The following FHIT variants were observed in gnomAD, a reference collection of about 807,000 sequenced individuals.
The protein encoded by FHIT is fragile histidine triad diadenosine triphosphatase, also known as bis(5'-adenosyl)-triphosphatase.
A neutral mutation model predicts 17.9 loss-of-function variants in FHIT; 19 were observed. The ratio of observed to expected loss-of-function variants is 1.06; its 90% CI spans 0.74 to 1.56. FHIT has a LOEUF of 1.56. Among genes scored for constraint, FHIT ranks in the 40% most tolerant of loss-of-function variants. The probability of loss-of-function intolerance (pLI) is 0.00; values close to 1 mark genes in which losing one functional copy is unlikely to be tolerated. For synonymous variants in FHIT, 81 were observed against 69.7 expected, an observed-to-expected ratio of 1.16 and a Z score of -0.81; for missense variants, 248 against 189.2, an observed-to-expected ratio of 1.31 and a Z score of -1.82.
intron 7 of FHIT, among the ~76,000 whole-genome samples, chr3:60,001,801 TC>T (rs1467763039): frequency 6.6e-6 from 1 of 152,124 alleles, no homozygotes; most frequent in Non-Finnish European, 1.5e-5. Flanking sequence ...ATTTATTCCT[TC>T]CTTGGCCAAA....
At chr3:60,684,429 A>C (rs1163783149) in intron 4 of FHIT, among the ~76,000 whole-genome samples, 1 of 152,156 alleles carries the variant, frequency 6.6e-6, no homozygotes, top group Non-Finnish European at 1.5e-5. Flanking sequence ...AAGGCCACAT[A>C]GCAGAATACG....
intron 4 of FHIT, among the ~76,000 whole-genome samples, chr3:60,760,392 A>G (rs1699605750): frequency 1.3e-5 from 2 of 152,340 alleles, no homozygotes. Context: ...GGGCATACAC[A>G]TAGCAGGACC....
At chr3:60,732,684 C>CTTTTTTTTTTTT (rs3038041) in intron 4 of FHIT, 10 of 178,548 alleles carry the variant, frequency 5.6e-5, no homozygotes, top group African/African-American at 2.5e-4. Flanking sequence ...GCAAAGACTG[C>CTTTTTTTTTTTT]TTTTTTTTTT....
In FHIT at chr3:60,850,026, C is replaced by T. The variant is rs541175096; in HGVS notation, c.-110-28015G>A. ...AGGCAATAGCATCCATGAGCCCAGGCGATGTCAGGGATTCTTGTTTTTATC... is the reference window on the plus strand; with the variant it reads ...AGGCAATAGCATCCATGAGCCCAGGTGATGTCAGGGATTCTTGTTTTTATC... On this transcript the variant is annotated intron_variant, in intron 3 of 9. Coordinates refer to ENST00000492590, the MANE Select transcript of FHIT (RefSeq NM_002012.4). 5.3e-5 allele frequency among the ~76,000 whole-genome samples: 8 copies of T among 152,164 alleles called. No homozygotes were observed. The East Asian group carries it at 7.8e-4, about 15-fold the overall frequency.
At chr3:60,347,843 C>A (rs977748069) in intron 5 of FHIT, among the ~76,000 whole-genome samples, 9 of 152,144 alleles carry the variant, frequency 5.9e-5, no homozygotes, top group African/African-American at 2.2e-4. Context: ...ACTGCAACCT[C>A]CCCCTCCTGG....
intron 5 of FHIT, among the ~76,000 whole-genome samples, chr3:60,102,252 G>T (rs899716076): frequency 6.6e-6 from 1 of 152,166 alleles, no homozygotes; most frequent in Non-Finnish European, 1.5e-5. Context: ...GAGGCTGAGG[G>T]CCGCCAATGT....
At chr3:60,904,525 A>C (rs1206228846) in intron 3 of FHIT, among the ~76,000 whole-genome samples, 1 of 152,180 alleles carries the variant, frequency 6.6e-6, no homozygotes, top group East Asian at 1.9e-4. Context: ...CAATTACCTG[A>C]AATTTTTTAA....
At chr3:60,586,793 GAA>G (rs1384989729) in intron 4 of FHIT, among the ~76,000 whole-genome samples, 8 of 151,938 alleles carry the variant, frequency 5.3e-5, no homozygotes, top group African/African-American at 1.9e-4. Context: ...GCTAAATGAT[GAA>G]AACTCATGGA....
intron 5 of FHIT, among the ~76,000 whole-genome samples, chr3:60,504,951 A>G (rs188416546): frequency 4.0e-4 from 61 of 152,350 alleles, no homozygotes; most frequent in Middle Eastern, 3.4e-3. Context: ...TCAAACTGCT[A>G]TACGTCAGCA....
intron 7 of FHIT, among the ~76,000 whole-genome samples, chr3:59,981,387 G>C (rs1057266623): frequency 6.6e-6 from 1 of 152,112 alleles, no homozygotes; most frequent in Non-Finnish European, 1.5e-5. Flanking sequence ...ATAAGGCAAA[G>C]GGCCTTCTGA....
chr3:59,791,749 T>C (rs1461343973), intron 8 of FHIT, among the ~76,000 whole-genome samples: 1 of 152,148 alleles, frequency 6.6e-6, no homozygotes, highest in Non-Finnish European at 1.5e-5. Flanking sequence ...GGCAAGGACA[T>C]TTCCACAAGG....
At position 60,067,625 on chromosome 3, in the gene FHIT, T is replaced by G. The variant is rs1702574424; in HGVS notation, c.104-53473A>C. Among the ~76,000 whole-genome samples, 8 of 152,222 alleles carry G rather than the reference T, an allele frequency of 5.3e-5. No homozygotes were observed. In the South Asian group the frequency reaches 1.7e-3, roughly 31 times the overall value. Reference sequence around the variant, plus strand: ...ATTGCCATTGTTGTTTGGTGGATATTGATCTGGGAAGACCTTGTATCTTGC... The same window carrying G: ...ATTGCCATTGTTGTTTGGTGGATATGGATCTGGGAAGACCTTGTATCTTGC... On this transcript the variant is annotated intron_variant, in intron 5 of 9. Coordinates refer to ENST00000492590, the MANE Select transcript of FHIT (RefSeq NM_002012.4).
intron 5 of FHIT, among the ~76,000 whole-genome samples, chr3:60,525,793 G>T (rs987594867): frequency 6.6e-6 from 1 of 152,144 alleles, no homozygotes; most frequent in Non-Finnish European, 1.5e-5. Context: ...AGTGGTCTTA[G>T]GTATCAGGTT....
intron 8 of FHIT, among the ~76,000 whole-genome samples, chr3:59,864,347 G>T (rs1316104056): frequency 1.3e-5 from 2 of 152,012 alleles, no homozygotes; most frequent in Non-Finnish European, 2.9e-5. Flanking sequence ...TTCTGCTTTT[G>T]GTTCTTCCTG....
At chr3:61,124,439 T>C (rs1466892387) in intron 2 of FHIT, among the ~76,000 whole-genome samples, 1 of 152,074 alleles carries the variant, frequency 6.6e-6, no homozygotes, top group Non-Finnish European at 1.5e-5. Flanking sequence ...GGTGGTGGGA[T>C]GGGGGTGTTC....
chr3:60,392,123 A>G (rs187412531), intron 5 of FHIT, among the ~76,000 whole-genome samples: 6 of 152,324 alleles, frequency 3.9e-5, no homozygotes, highest in Non-Finnish European at 7.3e-5. Context: ...TTCCATCAAA[A>G]TAAATTCATA....
chr3:60,715,838 G>T (rs2041669621), intron 4 of FHIT, among the ~76,000 whole-genome samples: 1 of 152,064 alleles, frequency 6.6e-6, no homozygotes. Context: ...TAGTGAAAAA[G>T]AAAAAGAGCA....
chr3:60,511,061 G>C (rs1213873608), intron 5 of FHIT, among the ~76,000 whole-genome samples: 1 of 152,184 alleles, frequency 6.6e-6, no homozygotes, highest in Non-Finnish European at 1.5e-5. Flanking sequence ...ATGTACAGCA[G>C]AGTGGTCAAG....
intron 5 of FHIT, among the ~76,000 whole-genome samples, chr3:60,091,099 G>A (rs1423704399): frequency 6.6e-6 from 1 of 152,184 alleles, no homozygotes; most frequent in East Asian, 1.9e-4. Flanking sequence ...CTCTACAGTA[G>A]CTTACTTTGT....
Sources: allele counts gnomAD v4.1 joint callset (sites outside exome capture counted in the v4.1 genomes callset), GRCh38; gene constraint gnomAD v4.1.1; transcripts MANE v1.5; gene names NCBI Gene and HGNC (gene_info 2026-07-23, HGNC 2026-07-21).